Variants in PEAK1 observed in about 807,000 individuals in gnomAD.
PEAK1 encodes the protein inactive tyrosine-protein kinase PEAK1.
In PEAK1, 54 loss-of-function variants were observed where a neutral mutation model predicts 124.7. The observed-to-expected ratio is 0.43, with a 90% CI of 0.35 to 0.54. PEAK1 has a LOEUF of 0.54. Among genes scored for constraint, PEAK1 ranks in the 20% least tolerant of loss-of-function variants. The probability of loss-of-function intolerance (pLI) is 0.01; values close to 1 mark genes in which losing one functional copy is unlikely to be tolerated. For missense variants in PEAK1, 2,046 were observed against 2,134.5 expected, an observed-to-expected ratio of 0.96 and a Z score of 0.82; for synonymous variants, 719 against 760.0, an observed-to-expected ratio of 0.95 and a Z score of 0.89.
intron 6 of PEAK1, among the ~76,000 whole-genome samples, chr15:77,237,192 C>T (rs537184547): frequency 6.6e-6 from 1 of 152,076 alleles, no homozygotes; most frequent in Non-Finnish European, 1.5e-5. Context: ...AAATGTTTCA[C>T]TAAAAAAGAT....
rs558773135 is a variant in PEAK1 at position 77,356,582 on chromosome 15, A to G, written c.-603+8581T>C. On this transcript the variant is annotated intron_variant, in intron 2 of 9. Coordinates refer to ENST00000682557, the MANE Select transcript of PEAK1 (RefSeq NM_001385026.1). ...AGTCATGGATAGTAATGTTTCCTGC[A>G]GCAATATTAAAAATTGCAAACACCT... is the stretch of plus-strand genomic sequence containing the variant. Among the ~76,000 whole-genome samples the G allele has an allele frequency of 4.9e-3, 747 of 151,394 alleles. 14 individuals carry two copies. Among genetic ancestry groups the G allele is most frequent in the African/African-American group, 0.017 (711 of 40,700 alleles).
intron 6 of PEAK1, among the ~76,000 whole-genome samples, chr15:77,223,232 C>T (rs914114156): frequency 6.6e-6 from 1 of 151,878 alleles, no homozygotes; most frequent in Non-Finnish European, 1.5e-5. Context: ...GCTAAGAGCC[C>T]TTTTGAAGCA....
intron 9 of PEAK1, among the ~76,000 whole-genome samples, chr15:77,131,834 T>C (rs1038287122): frequency 1.3e-5 from 2 of 151,926 alleles, no homozygotes; most frequent in Non-Finnish European, 2.9e-5. Context: ...TCCCAGCACT[T>C]TGGGAGGCCA....
intron 9 of PEAK1, among the ~76,000 whole-genome samples, chr15:77,132,632 T>C (rs1343254351): frequency 1.3e-5 from 2 of 150,720 alleles, no homozygotes; most frequent in African/African-American, 4.9e-5. Flanking sequence ...GAGGCGGAGG[T>C]TGCAGTGAGC....
At chr15:77,312,586 G>A (rs951996320) in intron 2 of PEAK1, among the ~76,000 whole-genome samples, 2 of 152,232 alleles carry the variant, frequency 1.3e-5, no homozygotes, top group Non-Finnish European at 2.9e-5. Flanking sequence ...GCAGTCTGGG[G>A]CTGGGCAGAC....
At chr15:77,369,580 A>G (rs2068503819) in intron 1 of PEAK1, among the ~76,000 whole-genome samples, 1 of 152,174 alleles carries the variant, frequency 6.6e-6, no homozygotes, top group African/African-American at 2.4e-5. Flanking sequence ...TTAAAGGGCC[A>G]TAAACAAACA....
In PEAK1 at chr15:77,405,202, C is replaced by T. The variant is rs767684120; in HGVS notation, c.-666+14804G>A. ...TTGTGTTTTAGTAGGGATGGGGTTT[C>T]ATCATGTTGGCCAGGATGGTCTCGA... is the stretch of plus-strand genomic sequence containing the variant. On this transcript the variant is annotated intron_variant, in intron 1 of 9. Transcript: ENST00000682557. Among the ~76,000 whole-genome samples, 56 of 152,040 alleles carry T rather than the reference C, an allele frequency of 3.7e-4. 1 individual carries two copies. Among genetic ancestry groups the T allele is most frequent in the Non-Finnish European group, 3.1e-4 (21 of 68,004 alleles).
At chr15:77,213,682 CTG>C (rs2059010713) in intron 6 of PEAK1, among the ~76,000 whole-genome samples, 1 of 152,012 alleles carries the variant, frequency 6.6e-6, no homozygotes, top group African/African-American at 2.4e-5. Context: ...GAGTGAGACT[CTG>C]TCTCAAAAAA....
intron 6 of PEAK1, among the ~76,000 whole-genome samples, chr15:77,238,001 T>A (rs1318885559): frequency 6.6e-6 from 1 of 152,180 alleles, no homozygotes; most frequent in Non-Finnish European, 1.5e-5. Context: ...CCATTCTACA[T>A]TGTATTTCTA....
chr15:77,149,195 T>G (rs1200163589), intron 8 of PEAK1, among the ~76,000 whole-genome samples: 1 of 152,232 alleles, frequency 6.6e-6, no homozygotes, highest in Non-Finnish European at 1.5e-5. Flanking sequence ...TCTATCTTTT[T>G]TCCTGCTATA....
chr15:77,313,751 T>C (rs148090640), intron 2 of PEAK1, among the ~76,000 whole-genome samples: 27,487 of 139,254 alleles, frequency 0.2, 3,449 homozygotes, highest in Middle Eastern at 0.28. Context: ...TTTATTTATT[T>C]ATTTATTTTT....
chr15:77,401,038 C>T (rs1164851813), intron 1 of PEAK1, among the ~76,000 whole-genome samples: 1 of 151,944 alleles, frequency 6.6e-6, no homozygotes, highest in Non-Finnish European at 1.5e-5. Context: ...ACATTTAGAG[C>T]CAACAAAACC....
At chr15:77,347,652 A>G (rs927307040) in intron 2 of PEAK1, 9 of 978,328 alleles carry the variant, frequency 9.2e-6, no homozygotes, top group Admixed American at 1.2e-4. Flanking sequence ...AATAACAAAT[A>G]TAACAACATA....
At chr15:77,309,911 A>G (rs898168727) in intron 2 of PEAK1, among the ~76,000 whole-genome samples, 1 of 152,212 alleles carries the variant, frequency 6.6e-6, no homozygotes, top group Non-Finnish European at 1.5e-5. Flanking sequence ...AAGTCATGAC[A>G]TATGAGGAAC....
intron 6 of PEAK1, among the ~76,000 whole-genome samples, chr15:77,251,587 A>T (rs991940828): frequency 3.9e-5 from 6 of 152,184 alleles, no homozygotes; most frequent in Admixed American, 2.0e-4. Context: ...ACTACTACCT[A>T]TGTTGCTTGA....
intron 1 of PEAK1, among the ~76,000 whole-genome samples, chr15:77,383,180 C>T (rs528291887): frequency 7.9e-5 from 12 of 151,918 alleles, no homozygotes; most frequent in East Asian, 5.8e-4. Flanking sequence ...CCCGCCACCA[C>T]GTCCAGGTTT....
chr15:77,280,737 T>A lies in PEAK1; in HGVS notation c.-275+3146A>T, dbSNP rs866653863. Among the ~76,000 whole-genome samples, 3 of 152,220 alleles carry A rather than the reference T, an allele frequency of 2.0e-5. No homozygotes were observed. The South Asian group carries it at 6.2e-4, about 31-fold the overall frequency. On this transcript the variant is annotated intron_variant, in intron 5 of 9. Coordinates refer to ENST00000682557, the MANE Select transcript of PEAK1 (RefSeq NM_001385026.1). ...GGGCTGGCTTGCAATATTCTTCTTA[T>A]TGGTTTTATGTGATCTTTTATGAGC...
intron 6 of PEAK1, among the ~76,000 whole-genome samples, chr15:77,233,103 T>C (rs985074400): frequency 2.0e-5 from 3 of 152,216 alleles, no homozygotes; most frequent in Non-Finnish European, 2.9e-5. Flanking sequence ...CACTAGTGTA[T>C]GAATGTGCCA....
At chr15:77,417,445 G>A (rs2072967813) in intron 1 of PEAK1, 3 of 936,676 alleles carry the variant, frequency 3.2e-6, no homozygotes, top group South Asian at 5.0e-5. Flanking sequence ...AGAGTGGGGT[G>A]GGGGGATGCG....
Sources: gnomAD v4.1 joint callset for allele counts (sites outside exome capture counted in the v4.1 genomes callset) on GRCh38, gnomAD v4.1.1 for gene constraint, MANE v1.5 for transcripts, NCBI Gene and HGNC (gene_info 2026-07-23, HGNC 2026-07-21) for gene names.